DOCK10: variants seen among roughly 807,000 people sequenced by gnomAD.
DOCK10 encodes the protein dedicator of cytokinesis 10.
A neutral mutation model predicts 280.1 loss-of-function variants in DOCK10; 145 were observed. The ratio of observed to expected loss-of-function variants is 0.52; its 90% CI spans 0.45 to 0.59. DOCK10 has a LOEUF of 0.59. Ranked by LOEUF, DOCK10 falls within the 20% of genes least tolerant of loss-of-function variation. The probability of loss-of-function intolerance (pLI) is 0.00; values close to 1 mark genes in which losing one functional copy is unlikely to be tolerated. For synonymous variants in DOCK10, 915 were observed against 942.2 expected (o/e 0.97, Z 0.53); for missense variants, 2,368 against 2,651.7 (o/e 0.89, Z 2.35).
chr2:224,778,038 T>C, intron 51 of DOCK10, 100 bp downstream of exon 51: 1 of 1,262,124 alleles, frequency 7.9e-7, no homozygotes, highest in African/African-American at 1.5e-5. Flanking sequence ...TTTTGTAGTT[T>C]ACTTTGCATC....
At chr2:225,019,438 G>C (rs1466983495) in intron 1 of DOCK10, among the ~76,000 whole-genome samples, 1 of 118,270 alleles carries the variant, frequency 8.5e-6, no homozygotes, top group East Asian at 2.7e-4. Context: ...AGAGAGTGTG[G>C]TTTAATCTTT....
chr2:224,804,000 A>ATGTGTGTG (rs71062961), intron 39 of DOCK10, 112 bp downstream of exon 39: 7 of 461,768 alleles, frequency 1.5e-5, no homozygotes, highest in African/African-American at 8.8e-5. Context: ...AAATAGAAAT[A>ATGTGTGTG]TGTGTGTGTG....
At chr2:225,026,196 G>A (rs185874381) in intron 1 of DOCK10, among the ~76,000 whole-genome samples, 18 of 152,296 alleles carry the variant, frequency 1.2e-4, no homozygotes, top group Admixed American at 5.2e-4. Flanking sequence ...GGAGGAAAGA[G>A]AATACTAGAA....
At chr2:224,906,116 T>C (rs948990704) in intron 3 of DOCK10, among the ~76,000 whole-genome samples, 1 of 152,188 alleles carries the variant, frequency 6.6e-6, no homozygotes, top group African/African-American at 2.4e-5. Flanking sequence ...ATCTAGGTAA[T>C]AGCCCAAGCC....
rs1254647039 is a variant in DOCK10 at position 224,916,683 on chromosome 2, C to T, written c.333+12G>A. 1 of 1,589,806 alleles carries T rather than the reference C, an allele frequency of 6.3e-7. No homozygotes were observed. The highest frequency in any genetic ancestry group is 8.6e-7 in the Non-Finnish European group (1 of 1,163,236). ...AAGCCTTAAAATAAAGCATTGGAAG[C>T]ATCACATTTACCTCCTTAACCAGTA... On this transcript the variant is annotated intron_variant, in intron 3 of 55. Coordinates refer to ENST00000258390, the MANE Select transcript of DOCK10 (RefSeq NM_014689.3).
chr2:224,959,554 T>A (rs1239600588), intron 1 of DOCK10, among the ~76,000 whole-genome samples: 2 of 151,942 alleles, frequency 1.3e-5, no homozygotes, highest in Non-Finnish European at 2.9e-5. Flanking sequence ...TGCTACTGTC[T>A]CTCATTCCCT....
At chr2:224,980,147 A>G (rs1323864538) in intron 1 of DOCK10, among the ~76,000 whole-genome samples, 1 of 152,176 alleles carries the variant, frequency 6.6e-6, no homozygotes, top group Admixed American at 6.5e-5. Context: ...TTCCAGAGCC[A>G]TGTTTCTCAA....
rs1412943335 is a variant in DOCK10 at position 224,805,801 on chromosome 2, A to AATAATACTTGAAG, written c.3815-285_3815-273dup. Among the ~76,000 whole-genome samples, 3 of 152,282 alleles carry AATAATACTTGAAG rather than the reference A, an allele frequency of 2.0e-5. No individual in the cohort carries two copies. The highest frequency in any genetic ancestry group is 4.4e-5 in the Non-Finnish European group (3 of 68,014). On this transcript the variant is annotated intron_variant, in intron 34 of 55. Transcript: ENST00000258390. This position sits in a 1 kb window ranked among gnomAD's most constrained non-coding sequence, Gnocchi z 4.3. The stretch of plus-strand genomic sequence containing the variant: ...TGACATTTCCAAAACAGTTCTTAAA[A>AATAATACTTGAAG]ATAATACTTGAAGTTGAAAAGCCAT...
intron 50 of DOCK10, among the ~76,000 whole-genome samples, chr2:224,784,571 A>C (rs1410579568): frequency 1.3e-5 from 2 of 152,256 alleles, no homozygotes; most frequent in African/African-American, 4.8e-5. Flanking sequence ...AACTTAGTTA[A>C]AGAAATGCAG....
chr2:224,812,919 G>A (rs1693880455), intron 31 of DOCK10, among the ~76,000 whole-genome samples: 1 of 152,064 alleles, frequency 6.6e-6, no homozygotes, highest in African/African-American at 2.4e-5. Context: ...TTGCATCAAT[G>A]TTCATCAAGG....
chr2:225,010,869 C>T (rs1195125619), intron 1 of DOCK10, among the ~76,000 whole-genome samples: 4 of 152,144 alleles, frequency 2.6e-5, no homozygotes, highest in Admixed American at 2.0e-4. Flanking sequence ...AGAAGCTAAA[C>T]GGCACAGCAA....
At chr2:224,960,787 T>G (rs1426624763) in intron 1 of DOCK10, among the ~76,000 whole-genome samples, 5 of 134,022 alleles carry the variant, frequency 3.7e-5, no homozygotes, top group Non-Finnish European at 4.6e-5. Context: ...TCGCCCAGGC[T>G]GGAGTGCAGT....
chr2:225,006,815 T>C (rs1411442152), intron 1 of DOCK10, among the ~76,000 whole-genome samples: 3 of 152,194 alleles, frequency 2.0e-5, no homozygotes, highest in African/African-American at 4.8e-5. Flanking sequence ...GACCTGTGCA[T>C]ACAAAGGGTA....
In DOCK10 at chr2:224,925,587, G is replaced by A. The variant is rs549469478; in HGVS notation, c.243+5962C>T. On this transcript the variant is annotated intron_variant, in intron 2 of 55. Transcript: ENST00000258390. ...AGGTCTGCTTCTTATTCGTATTGGT[G>A]TCCTGGATATAAACAGCTTAGATCA... Among the ~76,000 whole-genome samples, 6 of 152,314 alleles carry A rather than the reference G, an allele frequency of 3.9e-5. No individual in the cohort carries two copies. In the East Asian group the frequency reaches 1.2e-3, roughly 29 times the overall value.
chr2:224,879,247 G>A (rs1211717443), intron 7 of DOCK10, among the ~76,000 whole-genome samples: 1 of 152,100 alleles, frequency 6.6e-6, no homozygotes, highest in South Asian at 2.1e-4. Flanking sequence ...ATTCCTAGAC[G>A]CCCCACTCTC....
In DOCK10 at chr2:224,840,040, G is replaced by T. The variant is rs564237869; in HGVS notation, c.2694C>A (p.Ile898=). ...NLLNVEKIHA[I]MSFLPIILNQ... is the part of the protein sequence containing the mutation. ...TCAAAATTATAGGCAGAAAACTCATGATTGCATGAATCTTTTCCACATTCA... is the reference window on the plus strand; with the variant it reads ...TCAAAATTATAGGCAGAAAACTCATTATTGCATGAATCTTTTCCACATTCA... Residue 898 remains isoleucine (I), a synonymous_variant, in exon 24 of 56, where the codon ATC becomes ATA. Transcript: ENST00000258390. 2 of 1,556,442 alleles carry T rather than the reference G, an allele frequency of 1.3e-6. No individual in the cohort carries two copies. Among genetic ancestry groups the T allele is most frequent in the Admixed American group, 3.8e-5 (2 of 52,998 alleles).
chr2:224,797,222 C>A, intron 42 of DOCK10, 76 bp from the exon 43 acceptor site: 9 of 1,165,036 alleles, frequency 7.7e-6, no homozygotes, highest in Non-Finnish European at 9.2e-6. Context: ...TTTTAAAATT[C>A]CCTAAAACAA....
intron 1 of DOCK10, among the ~76,000 whole-genome samples, chr2:225,020,815 T>A (rs1460296973): frequency 6.6e-6 from 1 of 152,230 alleles, no homozygotes; most frequent in Non-Finnish European, 1.5e-5. Context: ...CCCAAGGATG[T>A]TGGGTTTCAC....
At chr2:224,829,023 G>A (rs921760299) in intron 27 of DOCK10, among the ~76,000 whole-genome samples, 1 of 152,180 alleles carries the variant, frequency 6.6e-6, no homozygotes, top group African/African-American at 2.4e-5. Context: ...AGCCCCCACT[G>A]CAACAATGCA....
Sources: allele counts gnomAD v4.1 joint callset (sites outside exome capture counted in the v4.1 genomes callset), GRCh38; gene constraint gnomAD v4.1.1; non-coding constraint Gnocchi (gnomAD v3.1); transcripts MANE v1.5; gene names NCBI Gene and HGNC (gene_info 2026-07-23, HGNC 2026-07-21).